The following N4BP2L2 variants were observed in gnomAD, a reference collection of about 807,000 sequenced individuals.
The protein encoded by N4BP2L2 is NEDD4 binding protein 2 like 2, also known as NEDD4-binding protein 2-like 2.
N4BP2L2 carries 50 observed loss-of-function variants against 56.2 expected under a neutral mutation model. The ratio of observed to expected loss-of-function variants is 0.89; its 90% CI spans 0.71 to 1.13. The LOEUF (loss-of-function observed/expected upper bound fraction) is 1.13. Ranked by LOEUF, N4BP2L2 falls within the 50% of genes most tolerant of loss-of-function variation. The pLI is 0.00. For synonymous variants in N4BP2L2, 203 were observed against 223.6 expected, an observed-to-expected ratio of 0.91 and a Z score of 0.82; for missense variants, 689 against 693.8, an observed-to-expected ratio of 0.99 and a Z score of 0.08.
intron 7 of N4BP2L2, chr13:32,438,749 A>C: frequency 6.3e-7 from 1 of 1,580,540 alleles, no homozygotes; most frequent in Non-Finnish European, 8.7e-7. Context: ...TGTGAAAGAA[A>C]GAAAGACCTA....
At chr13:32,499,218 A>C (rs2089479003) in intron 6 of N4BP2L2, among the ~76,000 whole-genome samples, 2 of 152,010 alleles carry the variant, frequency 1.3e-5, no homozygotes, top group South Asian at 4.1e-4. Flanking sequence ...CTCACTGACT[A>C]CCACTCAATT....
chr13:32,516,982 TA>T, exon 6 of N4BP2L2: 1 of 974,212 alleles, frequency 1.0e-6, no homozygotes, highest in Non-Finnish European at 1.2e-6. Flanking sequence ...ACAGAAAAAT[TA>T]GTACTAGAAG....
intron 6 of N4BP2L2, among the ~76,000 whole-genome samples, chr13:32,462,915 T>C (rs1238268994): frequency 1.5e-4 from 21 of 143,184 alleles, no homozygotes; most frequent in Admixed American, 1.1e-3. Context: ...CAGCAGCGCA[T>C]GCCTGTAATC....
Position 32,439,856 on chromosome 13 carries a change from C to CAA in N4BP2L2, c.2105-1121_2105-1120dup, listed in dbSNP as rs57865081. Among the ~76,000 whole-genome samples, 356 of 105,120 alleles carry CAA rather than the reference C, an allele frequency of 3.4e-3. 7 individuals carry two copies. The highest frequency in any genetic ancestry group is 0.012 in the African/African-American group (291 of 24,820). The allele number at this position is 105,120 out of a possible 152,430, so 69.0% of individuals were successfully genotyped here. A position where few individuals can be genotyped will look rare whatever the true frequency, so the allele number is the denominator to read the frequency against. On this transcript the variant is annotated intron_variant, in intron 7 of 9. Transcript: ENST00000357505. ...TGAAACCCCATCTCTATTAAGAATC[C>CAA]AAAAAAAAAAAAAAAAAAAATTAGC...
chr13:32,466,852 G>A (rs1166940922), intron 6 of N4BP2L2, among the ~76,000 whole-genome samples: 1 of 152,072 alleles, frequency 6.6e-6, no homozygotes, highest in African/African-American at 2.4e-5. Context: ...TCTTTTATAT[G>A]ACACGTTGTA....
At chr13:32,507,271 T>G (rs1042280870), downstream of N4BP2L2, 1 of 152,100 alleles carries the variant, frequency 6.6e-6, no homozygotes, top group Non-Finnish European at 1.5e-5. Flanking sequence ...GCTTTTAAGC[T>G]TAGAAGTGGA....
intron 6 of N4BP2L2, among the ~76,000 whole-genome samples, chr13:32,489,047 C>T (rs1451737281): frequency 1.3e-5 from 2 of 152,022 alleles, no homozygotes; most frequent in African/African-American, 2.4e-5. Context: ...CACTCCAGCC[C>T]GGGTGACAGA....
At chr13:32,455,996 A>C (rs2078920069) in intron 6 of N4BP2L2, among the ~76,000 whole-genome samples, 2 of 152,224 alleles carry the variant, frequency 1.3e-5, no homozygotes, top group Non-Finnish European at 2.9e-5. Flanking sequence ...ATTGCCCAGG[A>C]GACCAAGAAC....
At chr13:32,500,582 G>A (rs2089800445) in intron 6 of N4BP2L2, among the ~76,000 whole-genome samples, 3 of 149,496 alleles carry the variant, frequency 2.0e-5, no homozygotes, top group Non-Finnish European at 4.4e-5. Flanking sequence ...GCCAGGCATG[G>A]TGGCACATGC....
chr13:32,434,853 G>C (rs1412266268), intron 9 of N4BP2L2, among the ~76,000 whole-genome samples: 1 of 152,176 alleles, frequency 6.6e-6, no homozygotes, highest in Non-Finnish European at 1.5e-5. Flanking sequence ...AGGGCAGAAT[G>C]CTCTGTGAGA....
chr13:32,443,899 T>C, exon 7 of N4BP2L2: 1 of 1,572,900 alleles, frequency 6.4e-7, no homozygotes, highest in Non-Finnish European at 8.6e-7. Context: ...TCCGACTTCA[T>C]TTTGTAGACC....
intron 9 of N4BP2L2, among the ~76,000 whole-genome samples, chr13:32,433,245 A>G (rs1435498307): frequency 3.3e-5 from 5 of 152,234 alleles, no homozygotes; most frequent in African/African-American, 1.2e-4. Context: ...AAATAAATGC[A>G]CTAATTCATG....
At chr13:32,537,949 G>C (rs748044667) in intron 1 of N4BP2L2, among the ~76,000 whole-genome samples, 1 of 151,858 alleles carries the variant, frequency 6.6e-6, no homozygotes, top group Non-Finnish European at 1.5e-5. Flanking sequence ...GCGCACTTGT[G>C]GTCCCAGCTA....
intron 6 of N4BP2L2, among the ~76,000 whole-genome samples, chr13:32,448,705 C>A (rs2077405470): frequency 6.6e-6 from 1 of 152,028 alleles, no homozygotes; most frequent in South Asian, 2.1e-4. Context: ...TAAGTGATAA[C>A]CCTCATGAAA....
intron 6 of N4BP2L2, among the ~76,000 whole-genome samples, chr13:32,490,829 C>T (rs1463132820): frequency 6.6e-6 from 1 of 152,052 alleles, no homozygotes; most frequent in Non-Finnish European, 1.5e-5. Context: ...AGGCAGAGCT[C>T]AGGTAGTAAT....
At chr13:32,477,179 C>A in intron 6 of N4BP2L2, 1 of 504,886 alleles carries the variant, frequency 2.0e-6, no homozygotes, top group South Asian at 1.9e-5. Flanking sequence ...CTACTCATTT[C>A]TCCTTGGGCA....
chr13:32,536,934 A>T (rs1233819717), exon 2 of N4BP2L2: 1 of 1,613,342 alleles, frequency 6.2e-7, no homozygotes, highest in South Asian at 1.1e-5. Context: ...AAAACATACG[A>T]CTCTGTGGTT....
At chr13:32,513,897 C>T (rs757088448) in exon 6 of N4BP2L2, 3 of 152,126 alleles carry the variant, frequency 2.0e-5, no homozygotes, top group Non-Finnish European at 4.4e-5. Context: ...TCTACATTTT[C>T]CAAAGAGACC....
At chr13:32,467,731 G>A (rs2081486122) in intron 6 of N4BP2L2, among the ~76,000 whole-genome samples, 1 of 151,348 alleles carries the variant, frequency 6.6e-6, no homozygotes, top group Non-Finnish European at 1.5e-5. Context: ...GCTCACGCTT[G>A]TAATCCGAGC....
Sources: allele counts gnomAD v4.1 joint callset (sites outside exome capture counted in the v4.1 genomes callset), GRCh38; gene constraint gnomAD v4.1.1; transcripts MANE v1.5; gene names NCBI Gene and HGNC (gene_info 2026-07-23, HGNC 2026-07-21).